PPP5C: variants seen among roughly 807,000 people sequenced by gnomAD.
PPP5C encodes protein phosphatase 5 catalytic subunit.
PPP5C carries 21 observed loss-of-function variants against 66.7 expected under a neutral mutation model. The ratio of observed to expected loss-of-function variants is 0.31; its 90% confidence interval spans 0.22 to 0.45. PPP5C has a LOEUF of 0.45. Ranked by LOEUF, PPP5C falls within the 20% of genes least tolerant of loss-of-function variation. The pLI is 1.00. For missense variants in PPP5C, 464 were observed against 675.9 expected, an observed-to-expected ratio of 0.69 and a Z score of 3.48; for synonymous variants, 246 against 257.4, an observed-to-expected ratio of 0.96 and a Z score of 0.43.
At chr19:46,356,889 G>A (rs948765504) in intron 2 of PPP5C, among the ~76,000 whole-genome samples, 3 of 152,164 alleles carry the variant, frequency 2.0e-5, no homozygotes, top group South Asian at 2.1e-4. Context: ...GGCTAGATGG[G>A]GCAGGCTCTG....
At chr19:46,351,431 GCTT>G (rs1292373116) in intron 1 of PPP5C, among the ~76,000 whole-genome samples, 4 of 152,166 alleles carry the variant, frequency 2.6e-5, no homozygotes, top group African/African-American at 9.7e-5. Context: ...TCTTTTGCCT[GCTT>G]CTTTTGCTGC....
rs1972700306 is a variant in PPP5C at position 46,376,583 on chromosome 19, T to C, written c.633+9T>C. 3 of 1,612,790 alleles carry C rather than the reference T, an allele frequency of 1.9e-6. No individual in the cohort carries two copies. The East Asian group carries it at 6.7e-5, about 36-fold the overall frequency. Reference sequence around the variant, plus strand: ...GGAAATGTGCCTACCAGGTAATGCATCTGTCAGGTACTGGGCACCCGGGAA... The same window carrying C: ...GGAAATGTGCCTACCAGGTAATGCACCTGTCAGGTACTGGGCACCCGGGAA... On this transcript the variant is annotated intron_variant, in intron 4 of 12. Coordinates refer to ENST00000012443, the MANE Select transcript of PPP5C (RefSeq NM_006247.4). This position sits in a 1 kb window ranked among gnomAD's most constrained non-coding sequence, Gnocchi z 5.1.
At chr19:46,350,480 G>A (rs1433045362) in intron 1 of PPP5C, among the ~76,000 whole-genome samples, 1 of 152,212 alleles carries the variant, frequency 6.6e-6, no homozygotes, top group East Asian at 1.9e-4. Flanking sequence ...AGGAGTCCTG[G>A]GGCTGGGCAG....
At chr19:46,373,132 GC>G (rs1972624138) in intron 2 of PPP5C, among the ~76,000 whole-genome samples, 1 of 152,238 alleles carries the variant, frequency 6.6e-6, no homozygotes, top group South Asian at 2.1e-4. Context: ...GACCCAGGAG[GC>G]CTAGTCCCAG....
chr19:46,354,365 G>C (rs1972247119), intron 2 of PPP5C, among the ~76,000 whole-genome samples: 1 of 152,218 alleles, frequency 6.6e-6, no homozygotes, highest in South Asian at 2.1e-4. Context: ...TACTGTCATT[G>C]TTAGTGCTGG....
intron 6 of PPP5C, 114 bp from the exon 7 acceptor site, chr19:46,384,690 A>G: frequency 1.3e-6 from 1 of 752,640 alleles, no homozygotes; most frequent in Non-Finnish European, 2.3e-6. Flanking sequence ...TGCTGACAGG[A>G]GGCTTGAGGC....
At position 46,376,403 on chromosome 19, in the gene PPP5C, T is replaced by G; in HGVS notation, c.512-50T>G. On this transcript the variant is annotated intron_variant, in intron 3 of 12. Coordinates refer to ENST00000012443, the MANE Select transcript of PPP5C (RefSeq NM_006247.4). This position sits in a 1 kb window ranked among gnomAD's most constrained non-coding sequence, Gnocchi z 5.1. ...CCTGGGAGCGAGACCCCCTTCTCCC[T>G]CATAGTGGCTGTGGTCACTGACTCT... 1 of 1,602,466 alleles carries G rather than the reference T, an allele frequency of 6.2e-7. No individual in the cohort carries two copies.
intron 2 of PPP5C, among the ~76,000 whole-genome samples, chr19:46,370,601 G>A (rs1601428590): frequency 1.3e-5 from 2 of 152,300 alleles, no homozygotes; most frequent in East Asian, 3.9e-4. Context: ...GTGAGTAATG[G>A]CGTTGTGCTG....
At position 46,388,572 on chromosome 19, in the gene PPP5C, A is replaced by AGCG; in HGVS notation, c.1198_1200dup (p.Arg400dup). 6.2e-7 allele frequency: 1 copy of AGCG among 1,614,060 alleles called. No individual in the cohort carries two copies. The highest frequency in any genetic ancestry group is 8.5e-7 in the Non-Finnish European group (1 of 1,179,950). On this transcript the variant is annotated inframe_insertion, in exon 11 of 13. Coordinates refer to ENST00000012443, the MANE Select transcript of PPP5C (RefSeq NM_006247.4). This position sits in a 1 kb window ranked among gnomAD's most constrained non-coding sequence, Gnocchi z 4.9. ...CCTCAGAACGGGCGCTCGATCAGCA[A>AGCG]GCGGGGCGTGAGCTGTCAGTTTGGG... is the stretch of plus-strand genomic sequence containing the variant.
At chr19:46,368,826 T>G (rs1826000640) in intron 2 of PPP5C, among the ~76,000 whole-genome samples, 1 of 152,196 alleles carries the variant, frequency 6.6e-6, no homozygotes, top group Non-Finnish European at 1.5e-5. Context: ...TATTTTCCAT[T>G]AGTGAGTTAT....
chr19:46,367,339 C>T (rs1157683656), intron 2 of PPP5C, among the ~76,000 whole-genome samples: 1 of 152,162 alleles, frequency 6.6e-6, no homozygotes, highest in Non-Finnish European at 1.5e-5. Context: ...GCGTATTTCT[C>T]CCTTGGCTAG....
chr19:46,373,746 G>A (rs1285392258), intron 2 of PPP5C, among the ~76,000 whole-genome samples: 3 of 152,178 alleles, frequency 2.0e-5, no homozygotes, highest in Admixed American at 6.5e-5. Context: ...TGGACAGACC[G>A]GTTCCGAACC....
chr19:46,354,342 T>G (rs1013732279), intron 2 of PPP5C, among the ~76,000 whole-genome samples: 2 of 152,220 alleles, frequency 1.3e-5, no homozygotes, highest in African/African-American at 4.8e-5. Context: ...CCTGTGATGG[T>G]TCACCTGATG....
chr19:46,371,320 G>T (rs1212577789), intron 2 of PPP5C, among the ~76,000 whole-genome samples: 2 of 152,188 alleles, frequency 1.3e-5, no homozygotes, highest in Non-Finnish European at 2.9e-5. Flanking sequence ...GCGGATACTA[G>T]TGCCTGTACA....
At position 46,388,645 on chromosome 19, in the gene PPP5C, C is replaced by A. The variant is rs1463250767; in HGVS notation, c.1269C>A (p.Ile423=). ...TGGAAGAGAACAACCTGGACTATATCATCCGCAGCCACGAAGTCAAGGCCG... is the reference window on the plus strand; with the variant it reads ...TGGAAGAGAACAACCTGGACTATATAATCCGCAGCCACGAAGTCAAGGCCG... ...AFLEENNLDY[I]IRSHEVKAEG... The change falls in exon 11 of 13, where the codon ATC becomes ATA. Residue 423 remains isoleucine, a synonymous_variant. Coordinates refer to ENST00000012443, the MANE Select transcript of PPP5C (RefSeq NM_006247.4). This position sits in a 1 kb window ranked among gnomAD's most constrained non-coding sequence, Gnocchi z 4.9. 6.2e-7 allele frequency: 1 copy of A among 1,614,092 alleles called. No homozygotes were observed.
At chr19:46,387,662 G>A (rs1231143183) in intron 9 of PPP5C, 4 of 1,497,998 alleles carry the variant, frequency 2.7e-6, no homozygotes, top group Admixed American at 2.0e-5. Context: ...CATGGTGCGG[G>A]GTGAAGGCAC....
At chr19:46,374,196 T>A (rs1246239315) in intron 2 of PPP5C, among the ~76,000 whole-genome samples, 1 of 152,164 alleles carries the variant, frequency 6.6e-6, no homozygotes, top group Non-Finnish European at 1.5e-5. Flanking sequence ...GCCTGGGCTC[T>A]TCTCACCCCG....
intron 2 of PPP5C, among the ~76,000 whole-genome samples, chr19:46,354,686 A>G (rs10421356): frequency 0.011 from 1,601 of 152,070 alleles, 37 homozygotes; most frequent in African/African-American, 0.036. Flanking sequence ...AGTCCCAGCT[A>G]CTCAGGAGGC....
In PPP5C at chr19:46,387,126, A is replaced by G. The variant is rs1242249589; in HGVS notation, c.938A>G (p.Tyr313Cys). 6.2e-7 allele frequency: 1 copy of G among 1,614,224 alleles called. No homozygotes were observed. ...NHETDNMNQI[Y>C]GFEGEVKAKY... ...GAGACAGACAACATGAACCAGATCTACGGTTTCGAGGGTGAGGTGAAGGCC... is the reference window on the plus strand; with the variant it reads ...GAGACAGACAACATGAACCAGATCTGCGGTTTCGAGGGTGAGGTGAAGGCC... Residue 313 changes from tyrosine to cysteine, a missense_variant, in exon 8 of 13, where the codon TAC becomes TGC. Tyr to Cys is a radical substitution (Grantham distance 194, BLOSUM62 -2). Transcript: ENST00000012443.
Sources: allele counts gnomAD v4.1 joint callset (sites outside exome capture counted in the v4.1 genomes callset), GRCh38; gene constraint gnomAD v4.1.1; non-coding constraint Gnocchi (gnomAD v3.1); transcripts MANE v1.5; gene names NCBI Gene and HGNC (gene_info 2026-07-23, HGNC 2026-07-21).